Variants in NF2 observed in about 807,000 individuals in gnomAD.
NF2 encodes merlin.
In NF2, 8 loss-of-function variants were observed where a neutral mutation model predicts 83.7. That is an observed-to-expected ratio of 0.10 (90% CI 0.06 to 0.17). The LOEUF is 0.17. Among genes scored for constraint, NF2 ranks in the 10% least tolerant of loss-of-function variants. The pLI is 1.00. For synonymous variants in NF2, 266 were observed against 269.6 expected (o/e 0.99, Z 0.13); for missense variants, 533 against 744.4 (o/e 0.72, Z 3.31).
intron 1 of NF2, among the ~76,000 whole-genome samples, chr22:29,605,968 T>G (rs1051094405): frequency 1.3e-5 from 2 of 152,186 alleles, no homozygotes; most frequent in African/African-American, 4.8e-5. Flanking sequence ...TTTTTTTTTC[T>G]TTTGAGACGG....
intron 13 of NF2, among the ~76,000 whole-genome samples, chr22:29,675,186 CTGGAATG>C (rs2066924480): frequency 6.6e-6 from 1 of 152,216 alleles, no homozygotes; most frequent in Non-Finnish European, 1.5e-5. Context: ...TTTTCCAGCT[CTGGAATG>C]TTTTTCTTTT....
At chr22:29,691,019 G>A (rs1259589441) in intron 15 of NF2, among the ~76,000 whole-genome samples, 1 of 152,234 alleles carries the variant, frequency 6.6e-6, no homozygotes, top group Non-Finnish European at 1.5e-5. Flanking sequence ...GGATTCAAAG[G>A]CAGTTGACCA....
intron 15 of NF2, among the ~76,000 whole-genome samples, chr22:29,686,753 C>T (rs903076249): frequency 6.6e-6 from 1 of 152,164 alleles, no homozygotes; most frequent in Admixed American, 6.5e-5. Context: ...CCTGTATTTC[C>T]ATTTTTCCCA....
chr22:29,675,452 C>CTT (rs1246257202), intron 13 of NF2, among the ~76,000 whole-genome samples: 1 of 151,416 alleles, frequency 6.6e-6, no homozygotes, highest in Non-Finnish European at 1.5e-5. Context: ...TCTTTCCTTC[C>CTT]TTTCTTCTGT....
chr22:29,668,471 A>C, intron 10 of NF2, 25 bp downstream of exon 10: 1 of 1,562,350 alleles, frequency 6.4e-7, no homozygotes, highest in Non-Finnish European at 8.8e-7. Flanking sequence ...GTTTTAACTG[A>C]TGATGTCACT....
Position 29,639,063 on chromosome 22 carries a change from T to C in NF2, c.241-27T>C, listed in dbSNP as rs140056585. On this transcript the variant is annotated intron_variant, in intron 2 of 15. Coordinates refer to ENST00000338641, the MANE Select transcript of NF2 (RefSeq NM_000268.4). ...CAGGAGGAAGTGCCAATATAGTGTG[T>C]TTGTCTTTTGCTCTGCAATTCTGCA... The C allele has an allele frequency of 4.2e-5, 67 of 1,614,186 alleles. 1 individual carries two copies. The African/African-American group carries it at 8.4e-4, about 20-fold the overall frequency.
chr22:29,666,377 G>T (rs2066623287), intron 9 of NF2, among the ~76,000 whole-genome samples: 1 of 152,046 alleles, frequency 6.6e-6, no homozygotes, highest in Admixed American at 6.5e-5. Context: ...CTGACCTTGT[G>T]ATCTGCCCAC....
rs182398380 is a variant in NF2 at position 29,661,172 on chromosome 22, C to T, written c.676-33C>T. ...GAATAAAATTTTGAGCCTCAGCTGG[C>T]GCTTACAGTAGCTGTTCTTATTGGA... On this transcript the variant is annotated intron_variant, in intron 7 of 15. Coordinates refer to ENST00000338641, the MANE Select transcript of NF2 (RefSeq NM_000268.4). 5.9e-5 allele frequency: 95 copies of T among 1,613,912 alleles called. No individual in the cohort carries two copies. In the African/African-American group the frequency reaches 8.4e-4, roughly 14 times the overall value.
chr22:29,664,938 G>A (rs2066576456), intron 8 of NF2, 52 bp from the exon 9 acceptor site: 1 of 1,334,752 alleles, frequency 7.5e-7, no homozygotes, highest in African/African-American at 1.4e-5. Context: ...TCCAATTGCT[G>A]GTAACATTCC....
At chr22:29,610,932 G>A (rs1160393538) in intron 1 of NF2, among the ~76,000 whole-genome samples, 1 of 152,000 alleles carries the variant, frequency 6.6e-6, no homozygotes, top group East Asian at 1.9e-4. Context: ...AAAAATACTA[G>A]CAAACTGAAT....
At chr22:29,658,346 A>T (rs2066376956) in intron 7 of NF2, 82 bp downstream of exon 7, 2 of 1,188,936 alleles carry the variant, frequency 1.7e-6, no homozygotes, top group African/African-American at 3.0e-5. Context: ...TTACTTCTTC[A>T]TTCCAAGGCG....
intron 4 of NF2, among the ~76,000 whole-genome samples, chr22:29,644,723 G>C (rs1264161065): frequency 6.6e-6 from 1 of 152,014 alleles, no homozygotes; most frequent in Non-Finnish European, 1.5e-5. Context: ...GCTGGAGACC[G>C]GCCCGGCCAA....
chr22:29,662,861 G>A (rs1483816248), intron 8 of NF2, among the ~76,000 whole-genome samples: 2 of 152,228 alleles, frequency 1.3e-5, no homozygotes, highest in African/African-American at 4.8e-5. Flanking sequence ...TCCACTCAGT[G>A]ACCTCCTGGT....
chr22:29,622,078 T>G (rs950240983), intron 1 of NF2, among the ~76,000 whole-genome samples: 7 of 152,184 alleles, frequency 4.6e-5, no homozygotes, highest in African/African-American at 1.7e-4. Flanking sequence ...GTTAGAAACC[T>G]GGAGAGAACT....
Position 29,654,710 on chromosome 22 carries a change from A to G in NF2, c.501A>G (p.Glu167=), listed in dbSNP as rs1480981635. ...VHKRGFLAQE[E]LLPKRVINLY... ...AGCGGGGATTTTTGGCCCAAGAGGAATTGCTTCCAAAAAGGGTAAGAGATT... is the reference window on the plus strand; with the variant it reads ...AGCGGGGATTTTTGGCCCAAGAGGAGTTGCTTCCAAAAAGGGTAAGAGATT... Residue 167 remains glutamate (E), a synonymous_variant, in exon 5 of 16, where the codon GAA becomes GAG. Coordinates refer to ENST00000338641, the MANE Select transcript of NF2 (RefSeq NM_000268.4). 1 of 1,613,778 alleles carries G rather than the reference A, an allele frequency of 6.2e-7. No homozygotes were observed. The highest frequency in any genetic ancestry group is 8.5e-7 in the Non-Finnish European group (1 of 1,179,676).
chr22:29,633,024 C>T (rs1428469153), intron 1 of NF2, among the ~76,000 whole-genome samples: 1 of 152,082 alleles, frequency 6.6e-6, no homozygotes, highest in Non-Finnish European at 1.5e-5. Context: ...TGACCAATGG[C>T]GCTTGTTTTT....
intron 1 of NF2, among the ~76,000 whole-genome samples, chr22:29,615,493 A>C (rs1438214071): frequency 6.6e-6 from 1 of 152,146 alleles, no homozygotes; most frequent in Non-Finnish European, 1.5e-5. Flanking sequence ...GGATCACTTG[A>C]GCCTGGGAGA....
intron 15 of NF2, among the ~76,000 whole-genome samples, chr22:29,686,176 G>T (rs537858755): frequency 6.6e-6 from 1 of 152,340 alleles, no homozygotes; most frequent in Non-Finnish European, 1.5e-5. Flanking sequence ...TGCACAGTCA[G>T]AGCTCAGTAA....
intron 8 of NF2, among the ~76,000 whole-genome samples, chr22:29,662,197 G>A (rs1002750088): frequency 2.0e-5 from 3 of 152,138 alleles, no homozygotes; most frequent in Non-Finnish European, 4.4e-5. Flanking sequence ...AGTGGCACAT[G>A]ATCACGGCTC....
Sources: allele counts gnomAD v4.1 joint callset (sites outside exome capture counted in the v4.1 genomes callset), GRCh38; gene constraint gnomAD v4.1.1; transcripts MANE v1.5; gene names NCBI Gene and HGNC (gene_info 2026-07-23, HGNC 2026-07-21).